The following ASH1L variants were observed in gnomAD, a reference collection of about 807,000 sequenced individuals.
ASH1L encodes ASH1 like histone lysine methyltransferase.
In ASH1L, 23 loss-of-function variants were observed where a neutral mutation model predicts 269.0. The observed-to-expected ratio is 0.09, with a 90% CI of 0.06 to 0.12. The LOEUF (loss-of-function observed/expected upper bound fraction) is 0.12. ASH1L is among the 10% of genes least tolerant of loss of function. ASH1L has a pLI of 1.00. For synonymous variants in ASH1L, 1,187 were observed against 1,253.5 expected (o/e 0.95, Z 1.12); for missense variants, 2,912 against 3,567.8 (o/e 0.82, Z 4.68).
intron 4 of ASH1L, among the ~76,000 whole-genome samples, chr1:155,445,534 C>T (rs574579197): frequency 3.3e-5 from 5 of 152,016 alleles, no homozygotes; most frequent in African/African-American, 9.6e-5. Context: ...AAGTGTCTGT[C>T]GCCCAGGCTG....
intron 2 of ASH1L, among the ~76,000 whole-genome samples, chr1:155,514,918 A>G (rs1668397085): frequency 6.6e-6 from 1 of 152,122 alleles, no homozygotes; most frequent in South Asian, 2.1e-4. Flanking sequence ...AATTTCTCAG[A>G]CTGTGATGTG....
intron 7 of ASH1L, among the ~76,000 whole-genome samples, chr1:155,387,308 T>C (rs192530583): frequency 2.5e-4 from 38 of 152,342 alleles, no homozygotes; most frequent in African/African-American, 8.7e-4. Context: ...TTTGTTTTTG[T>C]ATATGCTGTA....
At chr1:155,457,959 G>A (rs1663991087) in intron 4 of ASH1L, among the ~76,000 whole-genome samples, 1 of 152,106 alleles carries the variant, frequency 6.6e-6, no homozygotes, top group Admixed American at 6.5e-5. Flanking sequence ...CATATATAAT[G>A]CTTACCTCAT....
At chr1:155,492,553 AT>A (rs1469211643) in intron 2 of ASH1L, among the ~76,000 whole-genome samples, 1 of 152,038 alleles carries the variant, frequency 6.6e-6, no homozygotes, top group Non-Finnish European at 1.5e-5. Context: ...AACATTACTC[AT>A]TTCATGCCCA....
At chr1:155,501,998 A>G (rs1432259574) in intron 2 of ASH1L, among the ~76,000 whole-genome samples, 6 of 151,554 alleles carry the variant, frequency 4.0e-5, no homozygotes. Context: ...GTTTTACTAT[A>G]TATTTTTAGC....
Position 155,562,250 on chromosome 1 carries a change from G to A in ASH1L, c.-197C>T, listed in dbSNP as rs762474193. On this transcript the variant is annotated 5_prime_UTR_variant, in exon 1 of 28. Transcript: ENST00000392403. ...GGCTCCTCCGCTTCCCTGGGTCCAC[G>A]GCGGATCCCTCCCGCTTGTCAGGAG... 2.2e-5 allele frequency: 36 copies of A among 1,610,164 alleles called. No homozygotes were observed. Among genetic ancestry groups the A allele is most frequent in the Non-Finnish European group, 3.0e-5 (35 of 1,176,944 alleles).
Position 155,526,734 on chromosome 1 carries a change from T to C in ASH1L, c.-99-5116A>G, listed in dbSNP as rs188477568. 3.3e-5 allele frequency among the ~76,000 whole-genome samples: 5 copies of C among 152,344 alleles called. No homozygotes were observed. The East Asian group carries it at 9.6e-4, about 29-fold the overall frequency. On this transcript the variant is annotated intron_variant, in intron 1 of 27. Coordinates refer to ENST00000392403, the MANE Select transcript of ASH1L (RefSeq NM_018489.3). Reference sequence around the variant, plus strand: ...ATATATCTACCTACCTTCCTACCTGTGTCTGTTCCTATAGTCTGACTGCCT... The same window carrying C: ...ATATATCTACCTACCTTCCTACCTGCGTCTGTTCCTATAGTCTGACTGCCT...
At chr1:155,535,133 G>A (rs1319060248) in intron 1 of ASH1L, among the ~76,000 whole-genome samples, 1 of 151,274 alleles carries the variant, frequency 6.6e-6, no homozygotes, top group Non-Finnish European at 1.5e-5. Flanking sequence ...AGGTTGTGGT[G>A]AGCCAAGATC....
intron 2 of ASH1L, among the ~76,000 whole-genome samples, chr1:155,484,765 C>T (rs1238805762): frequency 6.7e-6 from 1 of 148,310 alleles, no homozygotes; most frequent in Non-Finnish European, 1.5e-5. Flanking sequence ...CCCATCTCTA[C>T]TAAAACTACA....
At chr1:155,549,229 C>T (rs1010825146) in intron 1 of ASH1L, among the ~76,000 whole-genome samples, 3 of 152,058 alleles carry the variant, frequency 2.0e-5, no homozygotes, top group African/African-American at 7.2e-5. Context: ...TGTAATCCCA[C>T]CTACGCAGGA....
At chr1:155,385,621 G>A (rs1657363175) in intron 7 of ASH1L, among the ~76,000 whole-genome samples, 1 of 152,028 alleles carries the variant, frequency 6.6e-6, no homozygotes, top group South Asian at 2.1e-4. Flanking sequence ...CAAAGTGCTG[G>A]GATTTCAAGG....
chr1:155,386,418 T>G (rs2148460975), intron 7 of ASH1L, among the ~76,000 whole-genome samples: 1 of 152,002 alleles, frequency 6.6e-6, no homozygotes, highest in East Asian at 1.9e-4. Context: ...GACGGAGTCT[T>G]ACTTTTTTGC....
At chr1:155,518,567 A>C (rs888357818) in intron 2 of ASH1L, among the ~76,000 whole-genome samples, 3 of 152,094 alleles carry the variant, frequency 2.0e-5, no homozygotes, top group African/African-American at 7.2e-5. Context: ...ATTTGAACAA[A>C]CATTTCTTCA....
chr1:155,530,442 T>C (rs1025559557), intron 1 of ASH1L, among the ~76,000 whole-genome samples: 2 of 152,058 alleles, frequency 1.3e-5, no homozygotes, highest in Non-Finnish European at 2.9e-5. Flanking sequence ...GTCCCCTTTC[T>C]AGGCCGGGCT....
chr1:155,377,007 A>G (rs1476428006), intron 10 of ASH1L, among the ~76,000 whole-genome samples: 2 of 151,696 alleles, frequency 1.3e-5, no homozygotes, highest in Non-Finnish European at 2.9e-5. Flanking sequence ...TCCCAGGTTC[A>G]AGCAATTTTC....
chr1:155,406,067 G>C (rs1393930820), intron 6 of ASH1L, among the ~76,000 whole-genome samples: 1 of 151,740 alleles, frequency 6.6e-6, no homozygotes, highest in African/African-American at 2.4e-5. Flanking sequence ...AGATGGGCAT[G>C]GTAGCACATG....
intron 5 of ASH1L, among the ~76,000 whole-genome samples, chr1:155,417,787 C>T (rs529641068): frequency 2.0e-5 from 3 of 152,110 alleles, no homozygotes; most frequent in East Asian, 3.9e-4. Context: ...GGAGAAACCC[C>T]GTCTCTACTA....
At chr1:155,471,420 A>T (rs919580904) in intron 3 of ASH1L, among the ~76,000 whole-genome samples, 2 of 152,236 alleles carry the variant, frequency 1.3e-5, no homozygotes, top group African/African-American at 4.8e-5. Flanking sequence ...ACCTCAAGGG[A>T]GTGGAGAACT....
Position 155,384,872 on chromosome 1 carries a change from T to C in ASH1L, c.6104-4756A>G, listed in dbSNP as rs542079446. Among the ~76,000 whole-genome samples the C allele has an allele frequency of 1.1e-4, 16 of 152,302 alleles. No individual in the cohort carries two copies. The East Asian group carries it at 1.5e-3, about 15-fold the overall frequency. On this transcript the variant is annotated intron_variant, in intron 7 of 27. Transcript: ENST00000392403. Reference sequence around the variant, plus strand: ...TGCTTTTCATCTATGCCCTTTTTTTTCCCTCCTTCCATGACTCCGATAACA... The same window carrying C: ...TGCTTTTCATCTATGCCCTTTTTTTCCCCTCCTTCCATGACTCCGATAACA...
Sources: gnomAD v4.1 joint callset for allele counts (sites outside exome capture counted in the v4.1 genomes callset) on GRCh38, gnomAD v4.1.1 for gene constraint, MANE v1.5 for transcripts, NCBI Gene and HGNC (gene_info 2026-07-23, HGNC 2026-07-21) for gene names.